Variants in ARHGAP5 observed in about 807,000 individuals in gnomAD.
ARHGAP5 encodes the protein rho GTPase-activating protein 5.
ARHGAP5 carries 23 observed loss-of-function variants against 116.6 expected under a neutral mutation model. The observed-to-expected ratio is 0.20, with a 90% CI of 0.14 to 0.28. ARHGAP5 has a LOEUF of 0.28. Ranked by LOEUF, ARHGAP5 falls within the 10% of genes least tolerant of loss-of-function variation. The pLI, the probability that ARHGAP5 is intolerant of heterozygous loss-of-function variation, is 1.00. For missense variants in ARHGAP5, 1,405 were observed against 1,774.8 expected (o/e 0.79, Z 3.74); for synonymous variants, 574 against 602.0 (o/e 0.95, Z 0.68).
chr14:32,120,436 G>T (rs1879825986), intron 3 of ARHGAP5, among the ~76,000 whole-genome samples: 1 of 149,662 alleles, frequency 6.7e-6, no homozygotes. Flanking sequence ...TTCTTCTTTG[G>T]TTTTTCTGAA....
chr14:32,130,362 C>T (rs1880413271), intron 3 of ARHGAP5, among the ~76,000 whole-genome samples: 1 of 149,390 alleles, frequency 6.7e-6, no homozygotes, highest in Admixed American at 6.7e-5. Context: ...CAGGTGCCTG[C>T]TATCACACCA....
intron 3 of ARHGAP5, among the ~76,000 whole-genome samples, chr14:32,136,859 T>C (rs189147079): frequency 6.6e-6 from 1 of 152,328 alleles, no homozygotes; most frequent in Non-Finnish European, 1.5e-5. Context: ...GAGCATCTTT[T>C]CATGTGTGTC....
At chr14:32,149,766 TCA>T in intron 4 of ARHGAP5, 134 bp from the exon 5 acceptor site, 1 of 437,948 alleles carries the variant, frequency 2.3e-6, no homozygotes, top group Non-Finnish European at 3.8e-6. Context: ...AAAGTAAAAC[TCA>T]GTCTCAAAAA....
Position 32,092,961 on chromosome 14 carries a change from G to A in ARHGAP5, c.2292G>A (p.Val764=). 6.2e-7 allele frequency: 1 copy of A among 1,614,016 alleles called. No individual in the cohort carries two copies. Among genetic ancestry groups the A allele is most frequent in the Non-Finnish European group, 8.5e-7 (1 of 1,179,944 alleles). Residue 764 remains valine, a synonymous_variant, in exon 2 of 7, where the codon GTG becomes GTA. Coordinates refer to ENST00000345122, the MANE Select transcript of ARHGAP5 (RefSeq NM_001030055.2). The surrounding 1 kb of genome is among the most constrained non-coding windows in gnomAD (Gnocchi z 4.1). ...LESVKHNLDV[V]SPIPANKDLS... ...CAGTTAAACACAATTTGGATGTGGT[G>A]AGCCCAATTCCTGCCAATAAGGACT... is the stretch of plus-strand genomic sequence containing the variant.
intron 3 of ARHGAP5, among the ~76,000 whole-genome samples, chr14:32,131,624 T>G (rs1387536544): frequency 6.6e-6 from 1 of 152,240 alleles, no homozygotes; most frequent in African/African-American, 2.4e-5. Flanking sequence ...AGGGTACATG[T>G]GCACAACGTG....
intron 3 of ARHGAP5, among the ~76,000 whole-genome samples, chr14:32,128,366 G>T (rs1880298434): frequency 6.6e-6 from 1 of 152,256 alleles, no homozygotes; most frequent in Admixed American, 6.5e-5. Context: ...CCAAGATCAT[G>T]CCACTGCACT....
chr14:32,143,239 G>GTTGTTATTATTA (rs1456165613), intron 3 of ARHGAP5, among the ~76,000 whole-genome samples: 2 of 143,974 alleles, frequency 1.4e-5, no homozygotes, highest in African/African-American at 5.4e-5. Flanking sequence ...TGTTGTTGTT[G>GTTGTTATTATTA]TTATTATTAT....
intron 3 of ARHGAP5, among the ~76,000 whole-genome samples, chr14:32,132,480 T>C (rs1029499366): frequency 6.6e-6 from 1 of 152,242 alleles, no homozygotes; most frequent in Admixed American, 6.5e-5. Flanking sequence ...AGATTTTGGA[T>C]ATTAGCCCTT....
At chr14:32,084,297 C>G (rs750150920) in intron 1 of ARHGAP5, among the ~76,000 whole-genome samples, 1 of 152,132 alleles carries the variant, frequency 6.6e-6, no homozygotes, top group African/African-American at 2.4e-5. Context: ...TACTTGGACC[C>G]TCCTTGAAGT....
At chr14:32,109,236 A>T (rs1229940119) in intron 2 of ARHGAP5, among the ~76,000 whole-genome samples, 1 of 151,898 alleles carries the variant, frequency 6.6e-6, no homozygotes, top group African/African-American at 2.4e-5. Flanking sequence ...ATTTATATTT[A>T]TTTTATAAAT....
intron 3 of ARHGAP5, among the ~76,000 whole-genome samples, chr14:32,143,591 G>A (rs1326565953): frequency 6.6e-6 from 1 of 152,190 alleles, no homozygotes; most frequent in East Asian, 1.9e-4. Context: ...TTTAGCTTGG[G>A]AATGTTGGGA....
At chr14:32,118,921 C>G (rs1316009254) in intron 3 of ARHGAP5, among the ~76,000 whole-genome samples, 1 of 151,950 alleles carries the variant, frequency 6.6e-6, no homozygotes, top group South Asian at 2.1e-4. Flanking sequence ...TTGAGTGATT[C>G]GGTTTGAGGA....
intron 1 of ARHGAP5, among the ~76,000 whole-genome samples, chr14:32,086,749 A>G (rs2041833585): frequency 6.6e-6 from 1 of 151,858 alleles, no homozygotes; most frequent in Non-Finnish European, 1.5e-5. Context: ...TGAATGGTCT[A>G]GTAAAATACC....
intron 1 of ARHGAP5, among the ~76,000 whole-genome samples, chr14:32,081,069 G>C (rs902745054): frequency 6.6e-6 from 1 of 152,144 alleles, no homozygotes; most frequent in Non-Finnish European, 1.5e-5. Flanking sequence ...TTATTGAGCA[G>C]CTAGGCACTG....
chr14:32,131,854 G>A (rs371820963), intron 3 of ARHGAP5, among the ~76,000 whole-genome samples: 9 of 152,192 alleles, frequency 5.9e-5, no homozygotes, highest in East Asian at 5.8e-4. Flanking sequence ...TTGTCCTTGC[G>A]ATAGTTTGCT....
In ARHGAP5 at chr14:32,159,302, A is replaced by G. The variant is rs1344564276; in HGVS notation, c.*4354A>G. The G allele has an allele frequency of 2.0e-5, 3 of 152,168 alleles. No homozygotes were observed. The highest frequency in any genetic ancestry group is 4.4e-5 in the Non-Finnish European group (3 of 67,992). The allele number at this position is 152,168 out of a possible 1,614,324, so 9.4% of individuals were successfully genotyped here. On this transcript the variant is annotated 3_prime_UTR_variant, in exon 7 of 7. Transcript: ENST00000345122. ...GAGAAACAACTTGTTTATTCTCACA[A>G]TTCAGATTTTCTATTCAGTTTTGTC... is the stretch of plus-strand genomic sequence containing the variant.
chr14:32,127,568 A>G (rs983723801), intron 3 of ARHGAP5, among the ~76,000 whole-genome samples: 10 of 152,210 alleles, frequency 6.6e-5, no homozygotes, highest in African/African-American at 1.9e-4. Context: ...TCCTATGTCT[A>G]CTTCTTTCTA....
Position 32,141,232 on chromosome 14 carries a change from T to G in ARHGAP5, c.3866-5031T>G, listed in dbSNP as rs148449926. ...TAGTGATTGTCTTATAGACTGTGTA[T>G]AGTTGGATGCTGTTTTTCTCTTTTA... is the stretch of plus-strand genomic sequence containing the variant. On this transcript the variant is annotated intron_variant, in intron 3 of 6. Transcript: ENST00000345122. Among the ~76,000 whole-genome samples, 74 of 152,340 alleles carry G rather than the reference T, an allele frequency of 4.9e-4. 1 individual carries two copies. Among genetic ancestry groups the G allele is most frequent in the South Asian group, 1.2e-3 (6 of 4,828 alleles).
rs1388676330 is a variant in ARHGAP5, at chr14:32,090,582, T to C, written c.-88T>C. The C allele has an allele frequency of 3.3e-6, 4 of 1,201,984 alleles. No homozygotes were observed. The highest frequency in any genetic ancestry group is 2.4e-5 in the Admixed American group (1 of 41,666). 74.5% of individuals were successfully genotyped at this position (1,201,984 alleles called of 1,614,324 possible). A position where few individuals can be genotyped will look rare whatever the true frequency, so the allele number is the denominator to read the frequency against. On this transcript the variant is annotated 5_prime_UTR_variant, in exon 2 of 7. Coordinates refer to ENST00000345122, the MANE Select transcript of ARHGAP5 (RefSeq NM_001030055.2). Reference sequence around the variant, plus strand: ...AAGAACCAAATACAGTTCTGAAATTTGGGATCTGTATTTTGAGATGATTTT... The same window carrying C: ...AAGAACCAAATACAGTTCTGAAATTCGGGATCTGTATTTTGAGATGATTTT...
Sources: allele counts gnomAD v4.1 joint callset (sites outside exome capture counted in the v4.1 genomes callset), GRCh38; gene constraint gnomAD v4.1.1; non-coding constraint Gnocchi (gnomAD v3.1); transcripts MANE v1.5; gene names NCBI Gene and HGNC (gene_info 2026-07-23, HGNC 2026-07-21).